The following SHROOM2 variants were observed in gnomAD, a reference collection of about 807,000 sequenced individuals.
SHROOM2 encodes the protein shroom family member 2.
In SHROOM2, 33 loss-of-function variants were observed where a neutral mutation model predicts 75.9. The ratio of observed to expected loss-of-function variants is 0.43; its 90% CI spans 0.33 to 0.58. The LOEUF (loss-of-function observed/expected upper bound fraction) is 0.58. SHROOM2 is among the 20% of genes least tolerant of loss of function. SHROOM2 has a pLI of 0.04. For synonymous variants in SHROOM2, 655 were observed against 663.6 expected (o/e 0.99, Z 0.20); for missense variants, 1,434 against 1,461.2 (o/e 0.98, Z 0.30).
rs1369410957 is a variant in SHROOM2 at position 9,946,900 on chromosome X, G to A, written c.4814G>A (p.Cys1605Tyr). 8.3e-7 allele frequency: 1 copy of A among 1,197,820 alleles called. No individual in the cohort carries two copies. The highest frequency in any genetic ancestry group is 2.3e-5 in the Admixed American group (1 of 44,258). Residue 1605 changes from cysteine to tyrosine, a missense_variant, in exon 10 of 10, where the codon TGC (cysteine) becomes TAC (tyrosine). Physicochemically the swap from Cys to Tyr is radical, Grantham distance 194. This residue lies in a region of SHROOM2 where 80 missense variants were observed against 88.4 expected (regional missense o/e 0.90). Coordinates refer to ENST00000380913, the MANE Select transcript of SHROOM2 (RefSeq NM_001649.4). Reference protein sequence around the residue: ...KIHLGEEQLKCLLDSLQPERG... With the variant: ...KIHLGEEQLKYLLDSLQPERG... ...CACCTTGGTGAAGAGCAGCTGAAGT[G>A]CTTATTGGACAGCCTTCAGCCCGAA...
At chrX:9,856,407 T>C (rs2084070586) in intron 1 of SHROOM2, among the ~76,000 whole-genome samples, 1 of 112,010 alleles carries the variant, frequency 8.9e-6, no homozygotes. Flanking sequence ...CTCAGACGCA[T>C]TAATAGATTA....
At chrX:9,904,306 G>A (rs763952876) in intron 5 of SHROOM2, among the ~76,000 whole-genome samples, 9 of 111,810 alleles carry the variant, frequency 8.0e-5, no homozygotes, top group African/African-American at 2.3e-4. Context: ...GATCACTTGA[G>A]TCCAGGAGTT....
chrX:9,787,338 T>TTGTGTG (rs57947526), intron 1 of SHROOM2, among the ~76,000 whole-genome samples: 4 of 108,781 alleles, frequency 3.7e-5, no homozygotes, highest in Non-Finnish European at 7.7e-5. Flanking sequence ...ATCAGGAATG[T>TTGTGTG]TGTGTGTGTG....
At chrX:9,897,625 G>A (rs980803559) in intron 4 of SHROOM2, among the ~76,000 whole-genome samples, 5 of 91,512 alleles carry the variant, frequency 5.5e-5, no homozygotes, top group Non-Finnish European at 1.0e-4. Context: ...AGGTTGTGGC[G>A]AACTGTGTTC....
At chrX:9,809,700 G>C (rs1021726065) in intron 1 of SHROOM2, among the ~76,000 whole-genome samples, 1 of 112,296 alleles carries the variant, frequency 8.9e-6, no homozygotes, top group African/African-American at 3.2e-5. Context: ...ACAGAGTCTC[G>C]CTCTGTTGCC....
chrX:9,800,346 A>G (rs762329827), intron 1 of SHROOM2, among the ~76,000 whole-genome samples: 17 of 109,795 alleles, frequency 1.5e-4, no homozygotes, highest in South Asian at 4.0e-4. Context: ...TATTATTATT[A>G]TTATTATTAT....
At chrX:9,834,260 A>G (rs780366392) in intron 1 of SHROOM2, among the ~76,000 whole-genome samples, 16 of 110,165 alleles carry the variant, frequency 1.5e-4, no homozygotes, top group African/African-American at 5.5e-4. Flanking sequence ...GTTGAGTCCC[A>G]TGCACCAGGA....
intron 8 of SHROOM2, among the ~76,000 whole-genome samples, chrX:9,940,271 A>G (rs1200829926): frequency 8.9e-6 from 1 of 112,298 alleles, no homozygotes; most frequent in African/African-American, 3.2e-5. Context: ...AACCAGGAAA[A>G]TCATACCATC....
intron 1 of SHROOM2, among the ~76,000 whole-genome samples, chrX:9,792,475 G>C (rs1311797360): frequency 2.1e-4 from 19 of 91,277 alleles, no homozygotes; most frequent in African/African-American, 7.0e-4. Context: ...TTTTGTTGTT[G>C]TTGTTGTTTT....
rs1040574386 is a variant in SHROOM2, at chrX:9,913,127, A to T, written c.2891+14837A>T. The T allele has an allele frequency of 2.7e-5, 3 of 112,520 alleles. No individual in the cohort carries two copies. The Admixed American group carries it at 2.8e-4, about 11-fold the overall frequency. The allele number at this position is 112,520 out of a possible 1,213,427, so 9.3% of individuals were successfully genotyped here. On this transcript the variant is annotated intron_variant, in intron 5 of 9. Coordinates refer to ENST00000380913, the MANE Select transcript of SHROOM2 (RefSeq NM_001649.4). The stretch of plus-strand genomic sequence containing the variant: ...GCTGGCTGGAGGACGCCAGCATCGC[A>T]TGAAGACCTGCCTGCCTCGTTTGCC...
chrX:9,832,654 C>T (rs1392279706), intron 1 of SHROOM2, among the ~76,000 whole-genome samples: 1 of 109,455 alleles, frequency 9.1e-6, no homozygotes, highest in East Asian at 2.9e-4. Flanking sequence ...ACCGGCTGAG[C>T]TCCCCAGCTG....
At chrX:9,938,785 G>A (rs1465842437) in intron 7 of SHROOM2, among the ~76,000 whole-genome samples, 1 of 110,762 alleles carries the variant, frequency 9.0e-6, no homozygotes, top group African/African-American at 3.3e-5. Context: ...GCTGGACCAA[G>A]TGGACCCAGG....
chrX:9,901,171 T>C (rs2084363887), intron 5 of SHROOM2, among the ~76,000 whole-genome samples: 1 of 111,110 alleles, frequency 9.0e-6, no homozygotes, highest in African/African-American at 3.3e-5. Flanking sequence ...TGCGCATTTT[T>C]GTATCATTTC....
intron 1 of SHROOM2, among the ~76,000 whole-genome samples, chrX:9,842,118 A>G (rs769140097): frequency 1.4e-4 from 16 of 111,366 alleles, no homozygotes; most frequent in Admixed American, 4.8e-4. Context: ...TCTGCATGCT[A>G]TAGTCATTTG....
chrX:9,893,910 C>T (rs1317495790), intron 3 of SHROOM2, among the ~76,000 whole-genome samples: 5 of 105,753 alleles, frequency 4.7e-5, no homozygotes, highest in African/African-American at 1.8e-4. Flanking sequence ...GCTGAGATCA[C>T]GCGTCTGCAC....
intron 1 of SHROOM2, among the ~76,000 whole-genome samples, chrX:9,812,119 C>T (rs781654940): frequency 2.2e-4 from 25 of 111,793 alleles, no homozygotes; most frequent in Non-Finnish European, 4.1e-4. Context: ...AGGCCAAGAG[C>T]TTTATCTCAA....
intron 1 of SHROOM2, among the ~76,000 whole-genome samples, chrX:9,870,044 C>T (rs1333725704): frequency 1.8e-5 from 2 of 110,914 alleles, no homozygotes; most frequent in African/African-American, 6.6e-5. Context: ...ATAGGGAGAC[C>T]CCCATCTCTA....
intron 1 of SHROOM2, among the ~76,000 whole-genome samples, chrX:9,861,458 C>T (rs1035449111): frequency 1.8e-5 from 2 of 112,222 alleles, no homozygotes; most frequent in African/African-American, 6.5e-5. Context: ...ATGTGAGCCA[C>T]CATGCCCGGC....
intron 1 of SHROOM2, among the ~76,000 whole-genome samples, chrX:9,792,426 A>T (rs1304344485): frequency 9.4e-6 from 1 of 106,553 alleles, no homozygotes; most frequent in Non-Finnish European, 1.9e-5. Flanking sequence ...TTTTCCCCAG[A>T]TAAGGAGCCC....
Sources: allele counts gnomAD v4.1 joint callset (sites outside exome capture counted in the v4.1 genomes callset), GRCh38; gene constraint gnomAD v4.1.1; regional missense constraint gnomAD v4.1.1; transcripts MANE v1.5; gene names NCBI Gene and HGNC (gene_info 2026-07-23, HGNC 2026-07-21).